Variants in LUZP2 observed in about 807,000 individuals in gnomAD.
The protein encoded by LUZP2 is leucine zipper protein 2.
LUZP2 carries 52 observed loss-of-function variants against 51.6 expected under a neutral mutation model. The observed-to-expected ratio is 1.01, with a 90% CI of 0.81 to 1.27. LUZP2 has a LOEUF of 1.27. Ranked by LOEUF, LUZP2 falls within the 50% of genes most tolerant of loss-of-function variation. The pLI is 0.00. For synonymous variants in LUZP2, 154 were observed against 137.3 expected (o/e 1.12, Z -0.85); for missense variants, 436 against 395.4 (o/e 1.10, Z -0.87).
At chr11:24,623,573 C>T (rs549579049) in intron 1 of LUZP2, among the ~76,000 whole-genome samples, 2 of 152,238 alleles carry the variant, frequency 1.3e-5, no homozygotes, top group Non-Finnish European at 2.9e-5. Context: ...ATGCCAGGCA[C>T]AGTGGCTCAC....
At chr11:24,713,685 T>C (rs867468223) in intron 1 of LUZP2, among the ~76,000 whole-genome samples, 11 of 136,170 alleles carry the variant, frequency 8.1e-5, no homozygotes, top group African/African-American at 2.9e-4. Context: ...GAGAATCTGT[T>C]TTTTTTTTTT....
At chr11:24,498,129 G>A (rs1194436295) in intron 1 of LUZP2, among the ~76,000 whole-genome samples, 1 of 152,174 alleles carries the variant, frequency 6.6e-6, no homozygotes, top group Non-Finnish European at 1.5e-5. Flanking sequence ...CACAAGCGCA[G>A]CACAAAGGTG....
At chr11:24,769,661 A>AT (rs138849387) in intron 5 of LUZP2, among the ~76,000 whole-genome samples, 1 of 147,626 alleles carries the variant, frequency 6.8e-6, no homozygotes, top group Non-Finnish European at 1.5e-5. Flanking sequence ...TGGGGCAGAT[A>AT]TTTTTTTCCT....
Position 25,029,736 on chromosome 11 carries a change from C to CAA in LUZP2, c.766-20287_766-20286dup, listed in dbSNP as rs372357127. Among the ~76,000 whole-genome samples, 84 of 114,356 alleles carry CAA rather than the reference C, an allele frequency of 7.3e-4. 1 individual carries two copies. Among genetic ancestry groups the CAA allele is most frequent in the East Asian group, 1.4e-3 (5 of 3,460 alleles). 75.0% of individuals were successfully genotyped at this position (114,356 alleles called of 152,430 possible). On this transcript the variant is annotated intron_variant, in intron 9 of 11. Coordinates refer to ENST00000336930, the MANE Select transcript of LUZP2 (RefSeq NM_001009909.4). Reference sequence around the variant, plus strand: ...TGGATTACAGAGAGAGACTCTGTCTCAAAAAAAAAAAAAAAAGTATAATTA... The same window carrying CAA: ...TGGATTACAGAGAGAGACTCTGTCTCAAAAAAAAAAAAAAAAAAGTATAATTA...
At chr11:24,884,208 G>T (rs1411593595) in intron 5 of LUZP2, among the ~76,000 whole-genome samples, 1 of 151,966 alleles carries the variant, frequency 6.6e-6, no homozygotes, top group African/African-American at 2.4e-5. Flanking sequence ...ACTGGCTGTT[G>T]AAAGTTACAT....
At chr11:24,868,267 C>T (rs1199643060) in intron 5 of LUZP2, among the ~76,000 whole-genome samples, 1 of 152,114 alleles carries the variant, frequency 6.6e-6, no homozygotes, top group African/African-American at 2.4e-5. Context: ...CAACTCTTAG[C>T]TCTGATATGG....
intron 1 of LUZP2, among the ~76,000 whole-genome samples, chr11:24,587,687 C>T (rs770009465): frequency 1.2e-4 from 18 of 151,940 alleles, no homozygotes; most frequent in African/African-American, 1.7e-4. Flanking sequence ...TTTTTGAGTG[C>T]CTAGTAGGTG....
At chr11:24,541,289 A>G (rs576728103) in intron 1 of LUZP2, among the ~76,000 whole-genome samples, 1 of 148,224 alleles carries the variant, frequency 6.7e-6, no homozygotes, top group African/African-American at 2.5e-5. Context: ...GAGTGAGGTG[A>G]TGGCATTCGC....
At chr11:25,061,812 A>G (rs897038740) in intron 10 of LUZP2, among the ~76,000 whole-genome samples, 1 of 152,154 alleles carries the variant, frequency 6.6e-6, no homozygotes, top group African/African-American at 2.4e-5. Flanking sequence ...AAGTAAAATT[A>G]TATTCTTTAA....
At chr11:24,806,634 A>G (rs1849863391) in intron 5 of LUZP2, among the ~76,000 whole-genome samples, 1 of 152,168 alleles carries the variant, frequency 6.6e-6, no homozygotes, top group Non-Finnish European at 1.5e-5. Context: ...TGTATGTGAA[A>G]TGAGGTAAGG....
intron 1 of LUZP2, among the ~76,000 whole-genome samples, chr11:24,551,879 G>A (rs537625436): frequency 1.3e-5 from 2 of 151,808 alleles, no homozygotes; most frequent in East Asian, 3.9e-4. Flanking sequence ...TCTTAAAATA[G>A]GAATCACATA....
chr11:24,820,522 A>T (rs1850325637), intron 5 of LUZP2, among the ~76,000 whole-genome samples: 1 of 152,140 alleles, frequency 6.6e-6, no homozygotes, highest in African/African-American at 2.4e-5. Context: ...TAGAAAGGGT[A>T]ATTTGATACT....
chr11:24,540,040 T>C (rs1316677190), intron 1 of LUZP2, among the ~76,000 whole-genome samples: 1 of 152,070 alleles, frequency 6.6e-6, no homozygotes, highest in Non-Finnish European at 1.5e-5. Flanking sequence ...GGGTGATGTG[T>C]ATGAAAAATT....
At chr11:24,791,249 T>G (rs1192949923) in intron 5 of LUZP2, among the ~76,000 whole-genome samples, 1 of 152,226 alleles carries the variant, frequency 6.6e-6, no homozygotes, top group Non-Finnish European at 1.5e-5. Flanking sequence ...TTATGTGCTA[T>G]CTACCATTTT....
At chr11:24,683,704 A>G (rs1361243287) in intron 1 of LUZP2, among the ~76,000 whole-genome samples, 1 of 152,140 alleles carries the variant, frequency 6.6e-6, no homozygotes, top group Non-Finnish European at 1.5e-5. Flanking sequence ...TCATGGACAT[A>G]ATTTATATTT....
At chr11:24,919,611 T>G (rs968551442) in intron 7 of LUZP2, among the ~76,000 whole-genome samples, 2 of 147,086 alleles carry the variant, frequency 1.4e-5, no homozygotes, top group Non-Finnish European at 3.0e-5. Context: ...TATGTAGATA[T>G]ACCAAAGGTT....
chr11:24,640,994 T>C (rs1449240686), intron 1 of LUZP2, among the ~76,000 whole-genome samples: 1 of 149,402 alleles, frequency 6.7e-6, no homozygotes, highest in African/African-American at 2.5e-5. Flanking sequence ...TAGATATAGA[T>C]ATAGATATAG....
intron 9 of LUZP2, among the ~76,000 whole-genome samples, chr11:25,041,380 C>T (rs1418352912): frequency 6.6e-6 from 1 of 152,070 alleles, no homozygotes; most frequent in African/African-American, 2.4e-5. Context: ...CTCTCTCTCT[C>T]AAAATATCTT....
chr11:24,880,748 G>A (rs1394950348), intron 5 of LUZP2, among the ~76,000 whole-genome samples: 1 of 152,034 alleles, frequency 6.6e-6, no homozygotes, highest in East Asian at 1.9e-4. Context: ...ATGTGTGTGT[G>A]TGTGTGTATG....
Sources: gnomAD v4.1 joint callset for allele counts (sites outside exome capture counted in the v4.1 genomes callset) on GRCh38, gnomAD v4.1.1 for gene constraint, MANE v1.5 for transcripts, NCBI Gene and HGNC (gene_info 2026-07-23, HGNC 2026-07-21) for gene names.